Variants in SLC35F3 observed in about 807,000 individuals in gnomAD.
The protein encoded by SLC35F3 is solute carrier family 35 member F3, also known as putative thiamine transporter SLC35F3.
In SLC35F3, 25 loss-of-function variants were observed where a neutral mutation model predicts 49.9. The ratio of observed to expected loss-of-function variants is 0.50; its 90% CI spans 0.37 to 0.70. SLC35F3 has a LOEUF of 0.70. Ranked by LOEUF, SLC35F3 falls within the 30% of genes least tolerant of loss-of-function variation. The probability of loss-of-function intolerance (pLI) is 0.00; values close to 1 mark genes in which losing one functional copy is unlikely to be tolerated. For synonymous variants in SLC35F3, 275 were observed against 265.4 expected (o/e 1.04, Z -0.35); for missense variants, 525 against 639.8 (o/e 0.82, Z 1.94).
chr1:234,136,067 C>T (rs1665806214), intron 2 of SLC35F3, among the ~76,000 whole-genome samples: 1 of 152,150 alleles, frequency 6.6e-6, no homozygotes, highest in Non-Finnish European at 1.5e-5. Flanking sequence ...GAATATGAAA[C>T]AGAATCTCTG....
chr1:233,968,419 T>C (rs1662934824), intron 2 of SLC35F3, among the ~76,000 whole-genome samples: 1 of 152,182 alleles, frequency 6.6e-6, no homozygotes, highest in South Asian at 2.1e-4. Flanking sequence ...GTAAATTGTG[T>C]GTCACTGAAG....
Position 234,231,535 on chromosome 1 carries a change from G to T in SLC35F3, c.402G>T (p.Lys134Asn). Reference sequence around the variant, plus strand: ...CGTGCTCCCGGGCGCAACTCAAGAAGATCTTCTGGGGCGTGGCGGTCGTGC... The same window carrying T: ...CGTGCTCCCGGGCGCAACTCAAGAATATCTTCTGGGGCGTGGCGGTCGTGC... ...CWTCSRAQLK[K>N]IFWGVAVVLC... Residue 134 changes from lysine to asparagine, a missense_variant, in exon 3 of 8, where the codon AAG (lysine) becomes AAT (asparagine). This residue lies in a region of SLC35F3 where 228 missense variants were observed against 218.9 expected (regional missense o/e 1.04). Coordinates refer to ENST00000366618, the MANE Select transcript of SLC35F3 (RefSeq NM_173508.4). The surrounding 1 kb of genome is among the most constrained non-coding windows in gnomAD (Gnocchi z 5.4). The T allele has an allele frequency of 2.5e-6, 4 of 1,613,992 alleles. No individual in the cohort carries two copies. Among genetic ancestry groups the T allele is most frequent in the East Asian group, 2.2e-5 (1 of 44,886 alleles).
chr1:234,001,953 C>A (rs535785705), intron 2 of SLC35F3, among the ~76,000 whole-genome samples: 1 of 152,268 alleles, frequency 6.6e-6, no homozygotes, highest in Admixed American at 6.5e-5. Flanking sequence ...GTAACAGTGG[C>A]AAATCCATTT....
intron 2 of SLC35F3, among the ~76,000 whole-genome samples, chr1:234,171,411 G>T (rs758645395): frequency 6.6e-6 from 1 of 152,276 alleles, no homozygotes; most frequent in South Asian, 2.1e-4. Flanking sequence ...CAGTGGGGGC[G>T]ATGTGATCTG....
At chr1:233,991,034 T>A (rs555488715) in intron 2 of SLC35F3, among the ~76,000 whole-genome samples, 1 of 152,352 alleles carries the variant, frequency 6.6e-6, no homozygotes, top group South Asian at 2.1e-4. Flanking sequence ...TTTATTAAAA[T>A]GATGTTCCTG....
chr1:234,027,629 A>C lies in SLC35F3; in HGVS notation c.283+121871A>C, dbSNP rs747981266. On this transcript the variant is annotated intron_variant, in intron 2 of 7. Transcript: ENST00000366618. The surrounding 1 kb of genome is among the most constrained non-coding windows in gnomAD (Gnocchi z 4.1). ...AAACTAAGCTGGTCACAGATAGTAG[A>C]AAGAAAGGGACAGATGTGAATGATA... Among the ~76,000 whole-genome samples the C allele has an allele frequency of 1.2e-4, 19 of 152,224 alleles. No individual in the cohort carries two copies. Among genetic ancestry groups the C allele is most frequent in the African/African-American group, 4.6e-4 (19 of 41,442 alleles).
chr1:234,112,897 C>A (rs191262220), intron 2 of SLC35F3, among the ~76,000 whole-genome samples: 1 of 151,166 alleles, frequency 6.6e-6, no homozygotes, highest in African/African-American at 2.4e-5. Flanking sequence ...TCTTAATGAC[C>A]GGTTTCAGAA....
At chr1:234,249,780 G>A (rs1470759761) in intron 3 of SLC35F3, among the ~76,000 whole-genome samples, 1 of 152,232 alleles carries the variant, frequency 6.6e-6, no homozygotes, top group East Asian at 1.9e-4. Flanking sequence ...GACAGCACAG[G>A]TATCTGGGGC....
intron 3 of SLC35F3, among the ~76,000 whole-genome samples, chr1:234,273,093 C>T (rs952655080): frequency 2.0e-5 from 3 of 152,234 alleles, no homozygotes; most frequent in African/African-American, 7.2e-5. Context: ...ATTATGTCAT[C>T]ATCTGACACC....
At chr1:234,309,055 C>CT in intron 3 of SLC35F3, 46 bp from the exon 4 acceptor site, 1 of 1,547,480 alleles carries the variant, frequency 6.5e-7, no homozygotes, top group Non-Finnish European at 8.9e-7. Context: ...AATGGTCTGT[C>CT]TGAACCCAGG....
chr1:234,019,457 G>T (rs936664122), intron 2 of SLC35F3, among the ~76,000 whole-genome samples: 2 of 152,196 alleles, frequency 1.3e-5, no homozygotes, highest in African/African-American at 4.8e-5. Context: ...CAAAAGTCCA[G>T]CGGGCTGGAA....
chr1:234,209,662 A>G (rs1667022048), intron 2 of SLC35F3, among the ~76,000 whole-genome samples: 1 of 152,146 alleles, frequency 6.6e-6, no homozygotes, highest in South Asian at 2.1e-4. Context: ...GACAGAGCAC[A>G]TAGGACTGAT....
Position 234,214,288 on chromosome 1 carries a change from G to C in SLC35F3, c.284-17129G>C. The C allele has an allele frequency of 7.8e-7, 1 of 1,280,062 alleles. No homozygotes were observed. Among genetic ancestry groups the C allele is most frequent in the Non-Finnish European group, 9.8e-7 (1 of 1,017,098 alleles). The allele number at this position is 1,280,062 out of a possible 1,614,324, so 79.3% of individuals were successfully genotyped here. On this transcript the variant is annotated intron_variant, in intron 2 of 7. Transcript: ENST00000366618. The surrounding 1 kb of genome is among the most constrained non-coding windows in gnomAD (Gnocchi z 8.0). ...TGTGGAGTGGCTGCGCGGCCGGGGAGGATGTGCGCTGCAGGGCGGCCGCCG... is the reference window on the plus strand; with the variant it reads ...TGTGGAGTGGCTGCGCGGCCGGGGACGATGTGCGCTGCAGGGCGGCCGCCG...
intron 2 of SLC35F3, among the ~76,000 whole-genome samples, chr1:233,966,234 A>G (rs1399336480): frequency 6.6e-6 from 1 of 152,240 alleles, no homozygotes; most frequent in Non-Finnish European, 1.5e-5. Context: ...GAAAAAAGAG[A>G]TAAGAAATGG....
intron 2 of SLC35F3, among the ~76,000 whole-genome samples, chr1:233,918,158 TG>T (rs1320273947): frequency 2.0e-5 from 3 of 152,262 alleles, no homozygotes; most frequent in African/African-American, 7.2e-5. Flanking sequence ...TGTGCCTCTT[TG>T]GAACAGATGA....
At chr1:233,963,283 CT>C (rs1347064396) in intron 2 of SLC35F3, among the ~76,000 whole-genome samples, 4 of 151,408 alleles carry the variant, frequency 2.6e-5, no homozygotes, top group Admixed American at 2.0e-4. Context: ...TCATAGCTTT[CT>C]TTTTTCTTTC....
At chr1:233,954,151 C>G (rs1459213248) in intron 2 of SLC35F3, among the ~76,000 whole-genome samples, 1 of 152,282 alleles carries the variant, frequency 6.6e-6, no homozygotes, top group East Asian at 1.9e-4. Context: ...GGACTACAGG[C>G]ATGTGCCACC....
intron 2 of SLC35F3, among the ~76,000 whole-genome samples, chr1:233,914,415 C>G (rs1661934513): frequency 6.6e-6 from 1 of 152,150 alleles, no homozygotes; most frequent in African/African-American, 2.4e-5. Context: ...ACATCAATGT[C>G]TTGCTGCAGC....
At chr1:234,127,654 G>A (rs934518288) in intron 2 of SLC35F3, among the ~76,000 whole-genome samples, 1 of 151,984 alleles carries the variant, frequency 6.6e-6, no homozygotes, top group African/African-American at 2.4e-5. Context: ...GCCTCCTTTG[G>A]GAGATGATAA....
Sources: allele counts gnomAD v4.1 joint callset (sites outside exome capture counted in the v4.1 genomes callset), GRCh38; gene constraint gnomAD v4.1.1; regional missense constraint gnomAD v4.1.1; non-coding constraint Gnocchi (gnomAD v3.1); transcripts MANE v1.5; gene names NCBI Gene and HGNC (gene_info 2026-07-23, HGNC 2026-07-21).